Variants in KIAA1549 observed in about 807,000 individuals in gnomAD.
KIAA1549 encodes the protein UPF0606 protein KIAA1549.
A neutral mutation model predicts 156.4 loss-of-function variants in KIAA1549; 70 were observed. The ratio of observed to expected loss-of-function variants is 0.45; its 90% CI spans 0.37 to 0.55. The LOEUF (loss-of-function observed/expected upper bound fraction) is 0.55, where lower values mean the gene tolerates loss of function less well. KIAA1549 is among the 20% of genes least tolerant of loss of function. The pLI is 0.00. For missense variants in KIAA1549, 2,428 were observed against 2,540.9 expected (o/e 0.96, Z 0.96); for synonymous variants, 1,103 against 1,066.4 (o/e 1.03, Z -0.67).
At chr7:138,978,940 C>T (rs892469526) in intron 1 of KIAA1549, among the ~76,000 whole-genome samples, 15 of 152,226 alleles carry the variant, frequency 9.9e-5, no homozygotes, top group African/African-American at 2.7e-4. Flanking sequence ...CAAGATCGTT[C>T]CTCACAGTCT....
rs924680020 is a variant in KIAA1549 at position 138,868,247 on chromosome 7, G to T, written c.4776-119C>A. On this transcript the variant is annotated intron_variant, in intron 14 of 19. Coordinates refer to ENST00000422774, the MANE Select transcript of KIAA1549 (RefSeq NM_001164665.2). Reference sequence around the variant, plus strand: ...GTGCTACCCCTGGAAACACCCCATAGGATATAAACGCCATGTACGAGACAG... The same window carrying T: ...GTGCTACCCCTGGAAACACCCCATATGATATAAACGCCATGTACGAGACAG... The T allele has an allele frequency of 2.5e-5, 23 of 916,618 alleles. No homozygotes were observed. In the African/African-American group the frequency reaches 3.6e-4, roughly 14 times the overall value. 56.8% of individuals were successfully genotyped at this position (916,618 alleles called of 1,614,324 possible). A position where few individuals can be genotyped will look rare whatever the true frequency, so the allele number is the denominator to read the frequency against.
At chr7:138,900,465 T>C (rs1811809885) in intron 8 of KIAA1549, among the ~76,000 whole-genome samples, 1 of 152,234 alleles carries the variant, frequency 6.6e-6, no homozygotes, top group African/African-American at 2.4e-5. Flanking sequence ...TTCTAATAAA[T>C]TTAAAAAGTA....
At position 138,917,862 on chromosome 7, in the gene KIAA1549, A is replaced by G; in HGVS notation, c.1764T>C (p.Val588=). 1 of 1,604,670 alleles carries G rather than the reference A, an allele frequency of 6.2e-7. No individual in the cohort carries two copies. The highest frequency in any genetic ancestry group is 8.5e-7 in the Non-Finnish European group (1 of 1,175,648). The stretch of plus-strand genomic sequence containing the variant: ...AAGGAACCAGACTATAAGGCGTAAA[A>G]ACACTCGGGTCTCTGACGGCAAGCG... ...TPSLAVRDPS[V]FTPYSLVPSV... The change falls in exon 2 of 20, where the codon GTT becomes GTC. Residue 588 remains valine, a synonymous_variant. Coordinates refer to ENST00000422774, the MANE Select transcript of KIAA1549 (RefSeq NM_001164665.2).
At chr7:138,884,890 T>C (rs1350094088) in intron 10 of KIAA1549, among the ~76,000 whole-genome samples, 3 of 152,212 alleles carry the variant, frequency 2.0e-5, no homozygotes, top group Non-Finnish European at 4.4e-5. Flanking sequence ...GTAACTCCTG[T>C]CTCCTTAAAA....
Position 138,909,008 on chromosome 7 carries a change from A to T in KIAA1549, c.3259T>A (p.Tyr1087Asn), listed in dbSNP as rs781342841. 6.2e-7 allele frequency: 1 copy of T among 1,614,036 alleles called. No homozygotes were observed. The highest frequency in any genetic ancestry group is 1.1e-5 in the South Asian group (1 of 91,084). ...ATTCTCACCTGCACCGTGAGGTTATACGTTCCCTGGTGGTGTTTTCTCACT... is the reference window on the plus strand; with the variant it reads ...ATTCTCACCTGCACCGTGAGGTTATTCGTTCCCTGGTGGTGTTTTCTCACT... ...FEVRKHHQGT[Y>N]NLTVQILNIT... Residue 1087 changes from tyrosine (Y) to asparagine (N), a missense_variant, in exon 5 of 20, where the codon TAT (tyrosine) becomes AAT (asparagine). Coordinates refer to ENST00000422774, the MANE Select transcript of KIAA1549 (RefSeq NM_001164665.2).
intron 1 of KIAA1549, among the ~76,000 whole-genome samples, chr7:138,958,039 A>T (rs1277528645): frequency 1.3e-5 from 2 of 152,170 alleles, no homozygotes; most frequent in Non-Finnish European, 1.5e-5. Context: ...CTACGTTTTG[A>T]ATTTTCCTTT....
At chr7:138,942,407 G>A (rs775257333) in intron 1 of KIAA1549, among the ~76,000 whole-genome samples, 19 of 151,106 alleles carry the variant, frequency 1.3e-4, no homozygotes, top group Non-Finnish European at 2.1e-4. Context: ...ATAATATCTC[G>A]GATGCTGAAG....
intron 15 of KIAA1549, among the ~76,000 whole-genome samples, chr7:138,862,594 T>C (rs1231239399): frequency 6.6e-6 from 1 of 151,668 alleles, no homozygotes; most frequent in African/African-American, 2.4e-5. Context: ...TTCAGAACCA[T>C]TTGTCTTTAA....
chr7:138,951,804 A>G (rs760259021), intron 1 of KIAA1549, among the ~76,000 whole-genome samples: 8 of 152,214 alleles, frequency 5.3e-5, no homozygotes, highest in Non-Finnish European at 1.0e-4. Flanking sequence ...CATAATACAT[A>G]TGTCTAAGCA....
At chr7:138,894,001 C>T (rs569538904) in intron 10 of KIAA1549, among the ~76,000 whole-genome samples, 147 of 152,316 alleles carry the variant, frequency 9.7e-4, no homozygotes, top group Non-Finnish European at 1.6e-3. Flanking sequence ...ACCCAGGAGG[C>T]GGAGGCTGCA....
intron 16 of KIAA1549, among the ~76,000 whole-genome samples, chr7:138,858,658 T>C (rs533350917): frequency 1.3e-5 from 2 of 152,230 alleles, no homozygotes; most frequent in Non-Finnish European, 2.9e-5. Flanking sequence ...GCATGAATTA[T>C]GCAGTTTCCA....
At chr7:138,867,903 C>A in intron 15 of KIAA1549, 72 bp downstream of exon 15, 1 of 1,524,290 alleles carries the variant, frequency 6.6e-7, no homozygotes, top group Non-Finnish European at 9.0e-7. Flanking sequence ...TGCTGCTTCT[C>A]CTCCCCTTTC....
intron 1 of KIAA1549, among the ~76,000 whole-genome samples, chr7:138,947,178 C>T (rs1380952259): frequency 6.6e-6 from 1 of 152,160 alleles, no homozygotes; most frequent in Non-Finnish European, 1.5e-5. Flanking sequence ...CCCATGTTGA[C>T]CAGCTGACCC....
At chr7:138,965,383 G>T (rs186941481) in intron 1 of KIAA1549, among the ~76,000 whole-genome samples, 79 of 152,290 alleles carry the variant, frequency 5.2e-4, no homozygotes, top group Non-Finnish European at 8.2e-4. Context: ...TAGAGATGGG[G>T]TTTTGCCATG....
intron 1 of KIAA1549, among the ~76,000 whole-genome samples, chr7:138,931,477 C>T (rs1289342021): frequency 3.9e-5 from 6 of 152,222 alleles, no homozygotes; most frequent in African/African-American, 1.2e-4. Flanking sequence ...TTTGGCCAGG[C>T]GTGGTGGCTC....
chr7:138,978,852 G>A (rs1054023512), intron 1 of KIAA1549, among the ~76,000 whole-genome samples: 3 of 152,122 alleles, frequency 2.0e-5, no homozygotes, highest in Admixed American at 6.5e-5. Context: ...CAACTGCAAC[G>A]CACCCTCTTC....
rs779518864 is a variant in KIAA1549, at chr7:138,894,401, G to A, written c.3973C>T (p.Arg1325Cys). 20 of 1,613,808 alleles carry A rather than the reference G, an allele frequency of 1.2e-5. No homozygotes were observed. The highest frequency in any genetic ancestry group is 1.6e-4 in the Middle Eastern group (1 of 6,082). ...GGCTGAAAGTCTAGCTTGTCTGTGCGGCATAGTTTCCAGTAGAGGATGACA... is the reference window on the plus strand; with the variant it reads ...GGCTGAAAGTCTAGCTTGTCTGTGCAGCATAGTTTCCAGTAGAGGATGACA... ...IVVILYWKLC[R>C]TDKLDFQPDT... The change falls in exon 10 of 20, where the codon CGC becomes TGC. Residue 1325 changes from arginine to cysteine, a missense_variant. Physicochemically the swap from Arg to Cys is radical, Grantham distance 180. Around this residue, in one of 5 missense-constraint regions of KIAA1549, gnomAD observed 762 missense variants for 901.6 expected, o/e 0.85. Transcript: ENST00000422774.
chr7:138,868,010 G>A lies in KIAA1549; in HGVS notation c.4894C>T (p.Pro1632Ser). 16 of 1,613,966 alleles carry A rather than the reference G, an allele frequency of 9.9e-6. No homozygotes were observed. The highest frequency in any genetic ancestry group is 1.4e-5 in the Non-Finnish European group (16 of 1,179,870). Residue 1632 changes from proline to serine, a missense_variant, in exon 15 of 20, where the codon CCC becomes TCC. This residue lies in a region of KIAA1549 where 404 missense variants were observed against 417.0 expected (regional missense o/e 0.97). Coordinates refer to ENST00000422774, the MANE Select transcript of KIAA1549 (RefSeq NM_001164665.2). ...TDSDGTYRRP[P>S]GVHNSAYIGC... ...ATGTAGGCTGAGTTGTGGACGCCGG[G>A]GGGCCTCCTGTAGGTGCCATCGCTG... is the stretch of plus-strand genomic sequence containing the variant.
intron 1 of KIAA1549, among the ~76,000 whole-genome samples, chr7:138,955,825 G>A (rs968850489): frequency 6.6e-6 from 1 of 152,160 alleles, no homozygotes; most frequent in African/African-American, 2.4e-5. Flanking sequence ...TATAATCAGA[G>A]ACAAACTTTT....
Sources: allele counts gnomAD v4.1 joint callset (sites outside exome capture counted in the v4.1 genomes callset), GRCh38; gene constraint gnomAD v4.1.1; regional missense constraint gnomAD v4.1.1; transcripts MANE v1.5; gene names NCBI Gene and HGNC (gene_info 2026-07-23, HGNC 2026-07-21).